The following CTNNA2 variants were observed in gnomAD, a reference collection of about 807,000 sequenced individuals.
CTNNA2 encodes the protein catenin alpha-2.
A neutral mutation model predicts 101.0 loss-of-function variants in CTNNA2; 42 were observed. That is an observed-to-expected ratio of 0.42 (90% CI 0.32 to 0.54). The LOEUF (loss-of-function observed/expected upper bound fraction) is 0.54, where lower values mean the gene tolerates loss of function less well. CTNNA2 is among the 20% of genes least tolerant of loss of function. CTNNA2 has a pLI of 0.14. For missense variants in CTNNA2, 871 were observed against 1,223.1 expected (o/e 0.71, Z 4.29); for synonymous variants, 450 against 456.4 (o/e 0.99, Z 0.18).
At chr2:79,972,556 C>A (rs143697976) in intron 7 of CTNNA2, among the ~76,000 whole-genome samples, 125 of 152,244 alleles carry the variant, frequency 8.2e-4, no homozygotes, top group African/African-American at 2.9e-3. Context: ...AACACATGCA[C>A]GTCTTTACGT....
At chr2:80,370,472 A>T (rs1675341711) in intron 7 of CTNNA2, among the ~76,000 whole-genome samples, 2 of 152,148 alleles carry the variant, frequency 1.3e-5, no homozygotes. Flanking sequence ...TGGAGGAAAA[A>T]TATAGCCATA....
intron 3 of CTNNA2, among the ~76,000 whole-genome samples, chr2:79,846,266 CAA>C (rs779298472): frequency 6.6e-6 from 1 of 152,074 alleles, no homozygotes; most frequent in Non-Finnish European, 1.5e-5. Context: ...TTTGTTTAGC[CAA>C]AGACTCCTTT....
intron 1 of CTNNA2, among the ~76,000 whole-genome samples, chr2:79,558,266 A>G (rs1674563975): frequency 6.6e-6 from 1 of 151,934 alleles, no homozygotes; most frequent in South Asian, 2.1e-4. Flanking sequence ...GTGATGCAAA[A>G]ATGACTGCAT....
intron 2 of CTNNA2, among the ~76,000 whole-genome samples, chr2:79,235,853 C>T (rs1253528060): frequency 6.6e-6 from 1 of 152,140 alleles, no homozygotes; most frequent in Non-Finnish European, 1.5e-5. Flanking sequence ...GCAGGTGTGA[C>T]CCACCTGGCT....
chr2:80,061,215 CAT>C (rs1459000807), intron 7 of CTNNA2, among the ~76,000 whole-genome samples: 3 of 151,932 alleles, frequency 2.0e-5, no homozygotes, highest in East Asian at 1.9e-4. Flanking sequence ...TATTTCATGA[CAT>C]AGAAAAATGC....
chr2:80,412,270 C>A (rs774114208), intron 8 of CTNNA2, among the ~76,000 whole-genome samples: 4 of 152,248 alleles, frequency 2.6e-5, no homozygotes, highest in African/African-American at 7.2e-5. Context: ...ACAGAAGGAA[C>A]TAAGTACCTG....
chr2:80,420,704 C>A (rs984485179), intron 9 of CTNNA2, among the ~76,000 whole-genome samples: 3 of 152,078 alleles, frequency 2.0e-5, no homozygotes, highest in Non-Finnish European at 2.9e-5. Flanking sequence ...TAGTTTGCGC[C>A]TTGGTTAATC....
intron 3 of CTNNA2, among the ~76,000 whole-genome samples, chr2:79,373,518 A>G (rs549535748): frequency 2.0e-5 from 3 of 152,258 alleles, no homozygotes; most frequent in African/African-American, 7.2e-5. Context: ...ATCAGCTTGC[A>G]TTTTTCAAGC....
intron 2 of CTNNA2, among the ~76,000 whole-genome samples, chr2:79,284,423 A>T (rs1324220288): frequency 6.8e-6 from 1 of 148,050 alleles, no homozygotes; most frequent in Non-Finnish European, 1.5e-5. Context: ...TATTATTTTG[A>T]AATATGTCCC....
intron 9 of CTNNA2, among the ~76,000 whole-genome samples, chr2:80,493,892 A>G (rs1687246269): frequency 6.6e-6 from 1 of 152,218 alleles, no homozygotes; most frequent in African/African-American, 2.4e-5. Flanking sequence ...TTAAAAAGTT[A>G]TATGATCTGA....
intron 4 of CTNNA2, among the ~76,000 whole-genome samples, chr2:79,480,124 A>T (rs1671093579): frequency 6.6e-6 from 1 of 151,960 alleles, no homozygotes; most frequent in African/African-American, 2.4e-5. Context: ...GGCAAGAGAG[A>T]GAAGGGGGAG....
chr2:80,551,075 G>A (rs565355438), intron 11 of CTNNA2, among the ~76,000 whole-genome samples: 1 of 152,306 alleles, frequency 6.6e-6, no homozygotes, highest in South Asian at 2.1e-4. Context: ...TAGCAAGCAG[G>A]AAAGCACTAT....
chr2:79,189,650 GC>G (rs1673825850), intron 1 of CTNNA2, among the ~76,000 whole-genome samples: 1 of 152,146 alleles, frequency 6.6e-6, no homozygotes, highest in African/African-American at 2.4e-5. Flanking sequence ...TTGGTAATTG[GC>G]TTTACACAAA....
chr2:79,361,282 T>G (rs1398870325), intron 3 of CTNNA2, among the ~76,000 whole-genome samples: 1 of 152,016 alleles, frequency 6.6e-6, no homozygotes, highest in Non-Finnish European at 1.5e-5. Flanking sequence ...CAAACAAGAG[T>G]AGAGTTAAAA....
intron 9 of CTNNA2, among the ~76,000 whole-genome samples, chr2:80,506,971 C>T (rs146262202): frequency 2.6e-5 from 4 of 152,222 alleles, no homozygotes; most frequent in Middle Eastern, 6.8e-3. Context: ...TATTAATACA[C>T]GGAAAAGCAC....
intron 2 of CTNNA2, 119 bp from the exon 3 acceptor site, chr2:79,744,268 A>G (rs1671488828): frequency 1.0e-6 from 1 of 969,350 alleles, no homozygotes; most frequent in Non-Finnish European, 1.5e-6. Flanking sequence ...ATGTGCATTC[A>G]TGATTTAGTA....
At chr2:79,750,214 A>C (rs1288964324) in intron 3 of CTNNA2, among the ~76,000 whole-genome samples, 1 of 152,240 alleles carries the variant, frequency 6.6e-6, no homozygotes, top group Non-Finnish European at 1.5e-5. Context: ...GTTTACCACG[A>C]AGATTTTTCT....
intron 6 of CTNNA2, among the ~76,000 whole-genome samples, chr2:79,891,362 A>T (rs946432908): frequency 1.7e-4 from 26 of 152,190 alleles, no homozygotes; most frequent in Non-Finnish European, 2.9e-4. Context: ...TGCTCTAATT[A>T]ATTTGAATAT....
chr2:80,608,843 A>G (rs982577207), intron 17 of CTNNA2, among the ~76,000 whole-genome samples: 14 of 152,014 alleles, frequency 9.2e-5, no homozygotes, highest in African/African-American at 3.4e-4. Flanking sequence ...GTTGCCAAAA[A>G]CTAACATAAT....
Sources: gnomAD v4.1 joint callset for allele counts (sites outside exome capture counted in the v4.1 genomes callset) on GRCh38, gnomAD v4.1.1 for gene constraint, MANE v1.5 for transcripts, NCBI Gene and HGNC (gene_info 2026-07-23, HGNC 2026-07-21) for gene names.